Variants in CNTNAP2 observed in about 807,000 individuals in gnomAD.
CNTNAP2 encodes contactin-associated protein-like 2.
CNTNAP2 carries 98 observed loss-of-function variants against 155.2 expected under a neutral mutation model. That is an observed-to-expected ratio of 0.63 (90% CI 0.54 to 0.75). The LOEUF is 0.75. Among genes scored for constraint, CNTNAP2 ranks in the 30% least tolerant of loss-of-function variants. The pLI is 0.00. For missense variants in CNTNAP2, 1,727 were observed against 1,688.1 expected (o/e 1.02, Z -0.40); for synonymous variants, 651 against 631.2 (o/e 1.03, Z -0.47).
At chr7:146,498,368 A>G (rs1797250451) in intron 1 of CNTNAP2, among the ~76,000 whole-genome samples, 1 of 152,068 alleles carries the variant, frequency 6.6e-6, no homozygotes, top group East Asian at 1.9e-4. Context: ...GCCCTAATTT[A>G]TTTTTGTTTT....
chr7:146,931,402 C>G (rs1310461752), intron 3 of CNTNAP2, among the ~76,000 whole-genome samples: 33 of 148,504 alleles, frequency 2.2e-4, no homozygotes, highest in Middle Eastern at 3.4e-3. Flanking sequence ...AACAAAGACA[C>G]AACATACCAG....
chr7:146,149,681 AAAACTTGGT>A (rs1416911569), intron 1 of CNTNAP2, among the ~76,000 whole-genome samples: 1 of 152,132 alleles, frequency 6.6e-6, no homozygotes, highest in African/African-American at 2.4e-5. Flanking sequence ...CCAGACCTAG[AAAACTTGGT>A]ATCCATATAG....
Position 147,730,763 on chromosome 7 carries a change from G to A in CNTNAP2, c.2098+91457G>A, listed in dbSNP as rs776228443. 4.4e-4 allele frequency among the ~76,000 whole-genome samples: 67 copies of A among 152,146 alleles called. 2 individuals carry two copies. Among genetic ancestry groups the A allele is most frequent in the South Asian group, 8.3e-4 (4 of 4,826 alleles). On this transcript the variant is annotated intron_variant, in intron 13 of 23. Coordinates refer to ENST00000361727, the MANE Select transcript of CNTNAP2 (RefSeq NM_014141.6). ...GCTTAGTGAAGAAGGCATGTCAAAA[G>A]CAAAGATAGGCCCAAAACTATATCT... is the stretch of plus-strand genomic sequence containing the variant.
At chr7:147,199,835 G>GAA (rs34551567) in intron 8 of CNTNAP2, among the ~76,000 whole-genome samples, 12 of 149,680 alleles carry the variant, frequency 8.0e-5, no homozygotes, top group Non-Finnish European at 1.5e-4. Context: ...CTTTTCTTTT[G>GAA]AAAAAAAAAA....
intron 12 of CNTNAP2, among the ~76,000 whole-genome samples, chr7:147,568,768 G>A (rs1162880356): frequency 6.6e-6 from 1 of 152,004 alleles, no homozygotes; most frequent in Non-Finnish European, 1.5e-5. Flanking sequence ...TAGATACCCT[G>A]AACCTTTGTA....
chr7:148,406,346 T>A (rs1799705032), intron 22 of CNTNAP2, among the ~76,000 whole-genome samples: 1 of 152,172 alleles, frequency 6.6e-6, no homozygotes, highest in African/African-American at 2.4e-5. Flanking sequence ...TATCACTCAC[T>A]CACAAAGTAT....
chr7:146,937,358 AAAAAT>A (rs1796939521), intron 3 of CNTNAP2, among the ~76,000 whole-genome samples: 1 of 134,234 alleles, frequency 7.4e-6, no homozygotes, highest in African/African-American at 2.7e-5. Flanking sequence ...TCTCAAAAAA[AAAAAT>A]AAAAATAAAA....
At chr7:146,708,292 C>A (rs1052694088) in intron 1 of CNTNAP2, among the ~76,000 whole-genome samples, 1 of 151,964 alleles carries the variant, frequency 6.6e-6, no homozygotes, top group Admixed American at 6.6e-5. Flanking sequence ...AGGAGGCCTT[C>A]AATGATACAT....
chr7:147,919,023 A>T (rs1482373921), intron 14 of CNTNAP2, among the ~76,000 whole-genome samples: 1 of 152,036 alleles, frequency 6.6e-6, no homozygotes, highest in Admixed American at 6.6e-5. Context: ...GTGAGAAAAG[A>T]CCCTTTCCTG....
At chr7:146,155,953 C>T (rs1030533714) in intron 1 of CNTNAP2, among the ~76,000 whole-genome samples, 1 of 151,916 alleles carries the variant, frequency 6.6e-6, no homozygotes, top group African/African-American at 2.4e-5. Flanking sequence ...ATCCTCCCAC[C>T]TCGGCCTCCC....
intron 1 of CNTNAP2, among the ~76,000 whole-genome samples, chr7:146,734,200 A>G (rs1002205931): frequency 3.9e-5 from 6 of 152,122 alleles, no homozygotes; most frequent in African/African-American, 1.4e-4. Flanking sequence ...GCAGCAGCTT[A>G]GTTTTTCCTA....
chr7:148,040,313 C>T (rs1044150928), intron 15 of CNTNAP2, among the ~76,000 whole-genome samples: 2 of 152,186 alleles, frequency 1.3e-5, no homozygotes, highest in Non-Finnish European at 1.5e-5. Context: ...GATAAGCTTA[C>T]AACCACGGAG....
chr7:147,839,939 T>TACACACACACACAC (rs376480999), intron 13 of CNTNAP2, among the ~76,000 whole-genome samples: 7,931 of 149,756 alleles, frequency 0.053, 336 homozygotes, highest in Admixed American at 0.13. Context: ...TATATATGTA[T>TACACACACACACAC]ACACACACAC....
At chr7:146,884,743 G>GGAATTAGTCAAGCA (rs1386492756) in intron 3 of CNTNAP2, among the ~76,000 whole-genome samples, 1 of 152,034 alleles carries the variant, frequency 6.6e-6, no homozygotes, top group Non-Finnish European at 1.5e-5. Context: ...CTGATGAGCA[G>GGAATTAGTCAAGCA]GAATTAGTCA....
At chr7:146,844,651 T>C (rs1284569287) in intron 3 of CNTNAP2, among the ~76,000 whole-genome samples, 1 of 152,122 alleles carries the variant, frequency 6.6e-6, no homozygotes, top group Non-Finnish European at 1.5e-5. Context: ...TGAATGCAGA[T>C]ATTCGGAGCC....
chr7:148,147,800 G>A, intron 17 of CNTNAP2, 91 bp downstream of exon 17: 2 of 1,286,630 alleles, frequency 1.6e-6, no homozygotes, highest in Non-Finnish European at 2.2e-6. Flanking sequence ...CCTATGCAAG[G>A]TTTGATATAG....
chr7:147,626,152 ATCT>A (rs1384788376), intron 12 of CNTNAP2, among the ~76,000 whole-genome samples: 2 of 152,030 alleles, frequency 1.3e-5, no homozygotes, highest in South Asian at 2.1e-4. Flanking sequence ...CTGGGCACAA[ATCT>A]TCTCAGGTGA....
intron 20 of CNTNAP2, among the ~76,000 whole-genome samples, chr7:148,235,022 A>G (rs1184870715): frequency 6.6e-6 from 1 of 152,236 alleles, no homozygotes; most frequent in East Asian, 1.9e-4. Flanking sequence ...GGCCTTTCTT[A>G]GAAAATAATT....
intron 1 of CNTNAP2, among the ~76,000 whole-genome samples, chr7:146,315,700 A>C (rs946251107): frequency 1.3e-5 from 2 of 152,162 alleles, no homozygotes; most frequent in African/African-American, 4.8e-5. Flanking sequence ...TTTTTCAATT[A>C]GTGATACTAC....
Sources: gnomAD v4.1 joint callset for allele counts (sites outside exome capture counted in the v4.1 genomes callset) on GRCh38, gnomAD v4.1.1 for gene constraint, MANE v1.5 for transcripts, NCBI Gene and HGNC (gene_info 2026-07-23, HGNC 2026-07-21) for gene names.